Variants in DOCK2 observed in about 807,000 individuals in gnomAD.
DOCK2 encodes the protein dedicator of cytokinesis protein 2.
A neutral mutation model predicts 248.9 loss-of-function variants in DOCK2; 87 were observed. The observed-to-expected ratio is 0.35, with a 90% CI of 0.29 to 0.42. The LOEUF (loss-of-function observed/expected upper bound fraction) is 0.42, where lower values mean the gene tolerates loss of function less well. Among genes scored for constraint, DOCK2 ranks in the 10% least tolerant of loss-of-function variants. The pLI, the probability that DOCK2 is intolerant of heterozygous loss-of-function variation, is 1.00. For missense variants in DOCK2, 1,747 were observed against 2,300.2 expected, an observed-to-expected ratio of 0.76 and a Z score of 4.92; for synonymous variants, 805 against 821.6, an observed-to-expected ratio of 0.98 and a Z score of 0.35.
At chr5:169,833,631 TA>T (rs1769372400) in intron 26 of DOCK2, among the ~76,000 whole-genome samples, 1 of 152,044 alleles carries the variant, frequency 6.6e-6, no homozygotes, top group South Asian at 2.1e-4. Context: ...GTGTATTCAA[TA>T]AAGAAGAAAA....
At chr5:169,702,724 T>A (rs923802325) in intron 14 of DOCK2, 5 of 191,516 alleles carry the variant, frequency 2.6e-5, no homozygotes, top group African/African-American at 1.2e-4. Flanking sequence ...TACTTTTGCT[T>A]GGTCTCAGCT....
chr5:169,661,890 T>C (rs1758467213), intron 2 of DOCK2, among the ~76,000 whole-genome samples: 2 of 152,234 alleles, frequency 1.3e-5, no homozygotes, highest in African/African-American at 4.8e-5. Context: ...TGTTTCCGTA[T>C]CTTGGCTATT....
chr5:169,909,630 G>T (rs1476547336), intron 27 of DOCK2, among the ~76,000 whole-genome samples: 1 of 152,168 alleles, frequency 6.6e-6, no homozygotes, highest in Non-Finnish European at 1.5e-5. Context: ...TATCTTCTAA[G>T]TTGCAGAGCA....
chr5:169,640,669 T>C (rs916488175), intron 1 of DOCK2, among the ~76,000 whole-genome samples: 3 of 152,184 alleles, frequency 2.0e-5, no homozygotes, highest in Non-Finnish European at 4.4e-5. Flanking sequence ...TAATGGAAGA[T>C]AAAGGGTTAT....
chr5:169,785,112 G>A (rs1407741836), intron 25 of DOCK2, among the ~76,000 whole-genome samples: 3 of 152,120 alleles, frequency 2.0e-5, no homozygotes, highest in African/African-American at 7.2e-5. Context: ...TATAAGAGAT[G>A]AACTCGTATG....
chr5:170,030,183 A>T lies in DOCK2; in HGVS notation c.3467+2235A>T, dbSNP rs144816746. Among the ~76,000 whole-genome samples, 33 of 152,360 alleles carry T rather than the reference A, an allele frequency of 2.2e-4. No homozygotes were observed. In the East Asian group the frequency reaches 6.4e-3, roughly 29 times the overall value. ...GATGGGGCTCTGCGGCGGTCTTCAG[A>T]TGATCAGCAGGGTTTTCAAATCCTT... On this transcript the variant is annotated intron_variant, in intron 34 of 51. Transcript: ENST00000520908.
chr5:169,878,367 G>A (rs1390712095), intron 27 of DOCK2, among the ~76,000 whole-genome samples: 1 of 152,142 alleles, frequency 6.6e-6, no homozygotes. Context: ...TTAAAAACAT[G>A]TTTTATGTAA....
At chr5:169,816,580 C>A (rs1243703649) in intron 26 of DOCK2, among the ~76,000 whole-genome samples, 3 of 152,166 alleles carry the variant, frequency 2.0e-5, no homozygotes, top group Non-Finnish European at 2.9e-5. Context: ...TCTAGCACAG[C>A]CAGACTCTCA....
intron 40 of DOCK2, 151 bp from the exon 41 acceptor site, chr5:170,050,105 G>A (rs1756862509): frequency 5.9e-6 from 6 of 1,016,558 alleles, no homozygotes; most frequent in Non-Finnish European, 8.8e-6. Context: ...AGTGAGTTGA[G>A]CCCTTCCTTT....
chr5:170,006,990 T>A (rs1755055297), intron 30 of DOCK2, among the ~76,000 whole-genome samples: 1 of 152,116 alleles, frequency 6.6e-6, no homozygotes, highest in South Asian at 2.1e-4. Flanking sequence ...CTGTCAAGTG[T>A]TGAGAGATGA....
intron 22 of DOCK2, among the ~76,000 whole-genome samples, chr5:169,735,369 T>C (rs775319368): frequency 2.4e-4 from 37 of 152,170 alleles, no homozygotes; most frequent in Non-Finnish European, 4.6e-4. Context: ...CTGTGGGGCC[T>C]GTGCACTTGC....
chr5:169,840,957 C>T (rs1422102090), intron 27 of DOCK2, 105 bp downstream of exon 27: 3 of 1,295,600 alleles, frequency 2.3e-6, no homozygotes, highest in Admixed American at 2.0e-5. Context: ...TTGATCATTG[C>T]TTTGTTTTGG....
At chr5:169,689,450 G>A (rs1581038955) in intron 9 of DOCK2, 117 bp downstream of exon 9, 5 of 1,053,504 alleles carry the variant, frequency 4.7e-6, no homozygotes, top group East Asian at 2.5e-5. Context: ...GCTGTGTTGT[G>A]GGCTCCAAGC....
At chr5:169,770,674 A>C (rs1001138897) in intron 25 of DOCK2, among the ~76,000 whole-genome samples, 2 of 152,078 alleles carry the variant, frequency 1.3e-5, no homozygotes, top group Admixed American at 1.3e-4. Flanking sequence ...TATTCCCAGT[A>C]TTTTAGTTAT....
intron 7 of DOCK2, among the ~76,000 whole-genome samples, chr5:169,682,517 G>A (rs1252557130): frequency 6.6e-6 from 1 of 152,216 alleles, no homozygotes; most frequent in African/African-American, 2.4e-5. Context: ...AGGGCCTGAG[G>A]GGTTTTGGAA....
intron 2 of DOCK2, among the ~76,000 whole-genome samples, chr5:169,660,108 G>A (rs187705359): frequency 1.6e-4 from 24 of 152,292 alleles, no homozygotes; most frequent in Middle Eastern, 6.8e-3. Context: ...GGAATGAGAT[G>A]CCAGATGCCC....
rs546336300 is a variant in DOCK2 at position 170,043,713 on chromosome 5, C to T, written c.3876+1581C>T. On this transcript the variant is annotated intron_variant, in intron 38 of 51. Transcript: ENST00000520908. ...AGAGATGCTGCCATCCCTTGAACCT[C>T]CTGCCCTGCTGGGTGTCAAGTCAGA... Among the ~76,000 whole-genome samples, 3 of 152,338 alleles carry T rather than the reference C, an allele frequency of 2.0e-5. No homozygotes were observed. The East Asian group carries it at 5.8e-4, about 29-fold the overall frequency.
At chr5:169,712,523 G>C (rs1761644827) in intron 17 of DOCK2, among the ~76,000 whole-genome samples, 2 of 152,188 alleles carry the variant, frequency 1.3e-5, no homozygotes, top group Middle Eastern at 3.2e-3. Context: ...TATTGTTAAT[G>C]ACTGTTATAT....
intron 41 of DOCK2, among the ~76,000 whole-genome samples, chr5:170,054,458 C>A (rs1438586237): frequency 2.6e-5 from 4 of 152,216 alleles, no homozygotes; most frequent in Non-Finnish European, 5.9e-5. Flanking sequence ...CTAGAAGAGG[C>A]ATGACAAGGG....
Sources: gnomAD v4.1 joint callset for allele counts (sites outside exome capture counted in the v4.1 genomes callset) on GRCh38, gnomAD v4.1.1 for gene constraint, MANE v1.5 for transcripts, NCBI Gene and HGNC (gene_info 2026-07-23, HGNC 2026-07-21) for gene names.